GRM5: variants seen among roughly 807,000 people sequenced by gnomAD.
GRM5 encodes metabotropic glutamate receptor 5.
GRM5 carries 19 observed loss-of-function variants against 83.1 expected under a neutral mutation model. The ratio of observed to expected loss-of-function variants is 0.23; its 90% CI spans 0.16 to 0.34. The LOEUF (loss-of-function observed/expected upper bound fraction) is 0.34. Ranked by LOEUF, GRM5 falls within the 10% of genes least tolerant of loss-of-function variation. The pLI is 1.00. For missense variants in GRM5, 1,160 were observed against 1,588.3 expected (o/e 0.73, Z 4.58); for synonymous variants, 675 against 633.6 (o/e 1.07, Z -0.98).
intron 3 of GRM5, among the ~76,000 whole-genome samples, chr11:88,735,161 A>AT (rs1170879781): frequency 2.0e-5 from 3 of 152,020 alleles, no homozygotes; most frequent in Admixed American, 6.6e-5. Context: ...GTTTAGTTTT[A>AT]TTTTTTTAAA....
At chr11:89,009,918 A>AAAAAAAAAAAAAAAAAAAAC (rs1940646121) in intron 2 of GRM5, among the ~76,000 whole-genome samples, 2 of 136,182 alleles carry the variant, frequency 1.5e-5, no homozygotes, top group African/African-American at 6.4e-5. Flanking sequence ...AAAAAAAAAA[A>AAAAAAAAAAAAAAAAAAAAC]AAAAAAAAAA....
chr11:88,924,880 A>T (rs998032548), intron 2 of GRM5, among the ~76,000 whole-genome samples: 1 of 152,072 alleles, frequency 6.6e-6, no homozygotes, highest in Non-Finnish European at 1.5e-5. Flanking sequence ...GCTTATCTAT[A>T]GTAAGCATTT....
intron 6 of GRM5, among the ~76,000 whole-genome samples, chr11:88,592,348 A>T (rs1039546318): frequency 6.6e-6 from 1 of 152,234 alleles, no homozygotes; most frequent in African/African-American, 2.4e-5. Flanking sequence ...TATTTCATTA[A>T]TAATATGCAC....
At chr11:88,927,219 G>A (rs1463191631) in intron 2 of GRM5, among the ~76,000 whole-genome samples, 1 of 147,358 alleles carries the variant, frequency 6.8e-6, no homozygotes, top group Non-Finnish European at 1.5e-5. Flanking sequence ...TCCTCCTGTT[G>A]GCCTTATTTC....
At chr11:89,063,853 C>G (rs1340545932) in intron 1 of GRM5, among the ~76,000 whole-genome samples, 2 of 152,214 alleles carry the variant, frequency 1.3e-5, no homozygotes, top group Non-Finnish European at 2.9e-5. Flanking sequence ...CCAGCTCTGT[C>G]AACAGATGCT....
intron 9 of GRM5, among the ~76,000 whole-genome samples, chr11:88,522,228 A>G (rs1270824833): frequency 1.3e-5 from 2 of 152,186 alleles, no homozygotes; most frequent in African/African-American, 2.4e-5. Flanking sequence ...GGTTGACGCT[A>G]AAAGTACCTA....
At chr11:88,835,984 A>G (rs1955390993) in intron 3 of GRM5, among the ~76,000 whole-genome samples, 1 of 152,174 alleles carries the variant, frequency 6.6e-6, no homozygotes, top group African/African-American at 2.4e-5. Context: ...ACTCCAACCA[A>G]CACTCCTAAG....
chr11:88,805,245 G>T (rs2135491119), intron 3 of GRM5, among the ~76,000 whole-genome samples: 1 of 152,182 alleles, frequency 6.6e-6, no homozygotes, highest in African/African-American at 2.4e-5. Context: ...AGGCTGGAGT[G>T]CAGTGGCGTA....
chr11:88,806,710 C>T (rs915258142), intron 3 of GRM5, among the ~76,000 whole-genome samples: 4 of 152,230 alleles, frequency 2.6e-5, no homozygotes, highest in African/African-American at 9.6e-5. Flanking sequence ...GCTTTTTATT[C>T]CCTTCAACAC....
At chr11:88,581,928 A>G (rs1030294936) in intron 7 of GRM5, among the ~76,000 whole-genome samples, 4 of 151,852 alleles carry the variant, frequency 2.6e-5, no homozygotes, top group African/African-American at 9.7e-5. Flanking sequence ...TTAGCATCTT[A>G]TTTTCACATA....
intron 3 of GRM5, among the ~76,000 whole-genome samples, chr11:88,769,790 T>A (rs1942694504): frequency 6.6e-6 from 1 of 151,948 alleles, no homozygotes; most frequent in African/African-American, 2.4e-5. Flanking sequence ...AGGACAATAA[T>A]CAACGATGCA....
intron 2 of GRM5, among the ~76,000 whole-genome samples, chr11:88,998,740 G>C (rs1340206597): frequency 6.6e-6 from 1 of 152,134 alleles, no homozygotes; most frequent in Non-Finnish European, 1.5e-5. Flanking sequence ...CAAAGCTTCA[G>C]TATTCATGAT....
At chr11:88,801,188 G>A (rs1218836482) in intron 3 of GRM5, among the ~76,000 whole-genome samples, 1 of 152,066 alleles carries the variant, frequency 6.6e-6, no homozygotes, top group East Asian at 1.9e-4. Flanking sequence ...CTCCTAAAAT[G>A]TATAAATAAT....
At chr11:88,553,702 C>T (rs10128671) in intron 8 of GRM5, among the ~76,000 whole-genome samples, 6,989 of 152,212 alleles carry the variant, frequency 0.046, 511 homozygotes, top group African/African-American at 0.15. Context: ...TGTATTACCA[C>T]GACAGTGATT....
chr11:88,686,573 A>G (rs551970547), intron 3 of GRM5, among the ~76,000 whole-genome samples: 4 of 152,036 alleles, frequency 2.6e-5, no homozygotes, highest in Non-Finnish European at 5.9e-5. Flanking sequence ...TCTCCACCCA[A>G]ATCTCATCTT....
intron 2 of GRM5, among the ~76,000 whole-genome samples, chr11:88,974,030 T>C (rs1389273046): frequency 3.3e-5 from 5 of 152,164 alleles, no homozygotes; most frequent in African/African-American, 4.8e-5. Context: ...CCTCTCAAAA[T>C]GTTGGCCTTT....
intron 3 of GRM5, among the ~76,000 whole-genome samples, chr11:88,711,652 A>G (rs1170340177): frequency 6.6e-6 from 1 of 152,118 alleles, no homozygotes; most frequent in Non-Finnish European, 1.5e-5. Flanking sequence ...GAATAACAAT[A>G]GTAATTTTGA....
chr11:88,660,623 A>G (rs777984096), intron 3 of GRM5, among the ~76,000 whole-genome samples: 3 of 152,186 alleles, frequency 2.0e-5, no homozygotes, highest in African/African-American at 2.4e-5. Flanking sequence ...AAATATAACT[A>G]TGTGTGGGGC....
At chr11:88,763,113 A>G (rs1010042998) in intron 3 of GRM5, among the ~76,000 whole-genome samples, 3 of 151,664 alleles carry the variant, frequency 2.0e-5, no homozygotes, top group African/African-American at 7.3e-5. Context: ...TGTACAACAA[A>G]CCCCCATGAC....
Sources: allele counts gnomAD v4.1 joint callset (sites outside exome capture counted in the v4.1 genomes callset), GRCh38; gene constraint gnomAD v4.1.1; transcripts MANE v1.5; gene names NCBI Gene and HGNC (gene_info 2026-07-23, HGNC 2026-07-21).